Variants in FGF13 observed in about 807,000 individuals in gnomAD.
The protein encoded by FGF13 is fibroblast growth factor 13.
In FGF13, 2 loss-of-function variants were observed where a neutral mutation model predicts 19.5. That is an observed-to-expected ratio of 0.10 (90% confidence interval 0.04 to 0.32). The LOEUF (loss-of-function observed/expected upper bound fraction) is 0.32. Ranked by LOEUF, FGF13 falls within the 10% of genes least tolerant of loss-of-function variation. The pLI, the probability that FGF13 is intolerant of heterozygous loss-of-function variation, is 1.00. For missense variants in FGF13, 113 were observed against 192.7 expected (o/e 0.59, Z 2.45); for synonymous variants, 72 against 76.9 (o/e 0.94, Z 0.33).
intron 1 of FGF13, among the ~76,000 whole-genome samples, chrX:138,874,153 TAA>T (rs2091374482): frequency 2.1e-5 from 2 of 93,053 alleles, no homozygotes; most frequent in South Asian, 4.9e-4. Flanking sequence ...TAAAGTATAA[TAA>T]ATATATATAT....
At chrX:138,877,017 G>A (rs747434139) in intron 1 of FGF13, among the ~76,000 whole-genome samples, 2 of 111,839 alleles carry the variant, frequency 1.8e-5, no homozygotes, top group South Asian at 7.5e-4. Context: ...CCTTTTAACA[G>A]AAAACCAAGC....
intron 1 of FGF13, among the ~76,000 whole-genome samples, chrX:138,948,228 T>C (rs1271808549): frequency 9.0e-6 from 1 of 111,534 alleles, no homozygotes; most frequent in Non-Finnish European, 1.9e-5. Context: ...CCAGTATGCT[T>C]TGATAAAAAG....
chrX:139,007,947 T>G, intron 1 of FGF13, among the ~76,000 whole-genome samples: 1 of 112,908 alleles, frequency 8.9e-6, no homozygotes, highest in Non-Finnish European at 1.9e-5. Context: ...GACTCAGTGC[T>G]GTTGTGGGGG....
chrX:139,182,319 T>C (rs2084247120), intron 1 of FGF13, among the ~76,000 whole-genome samples: 1 of 112,101 alleles, frequency 8.9e-6, no homozygotes, highest in South Asian at 3.7e-4. Context: ...CTGGATTAAA[T>C]ATGAAACAGT....
intron 3 of FGF13, among the ~76,000 whole-genome samples, chrX:138,637,968 G>A (rs1196331705): frequency 9.0e-6 from 1 of 111,463 alleles, no homozygotes; most frequent in Admixed American, 9.5e-5. Context: ...CCACCATCCT[G>A]GCAGTTGCTC....
chrX:139,005,860 T>C (rs2092099138), intron 1 of FGF13, among the ~76,000 whole-genome samples: 1 of 107,418 alleles, frequency 9.3e-6, no homozygotes, highest in South Asian at 4.1e-4. Flanking sequence ...TGAAGACAGC[T>C]ATTTGAAAAT....
chrX:139,009,481 G>T (rs1023533083), intron 1 of FGF13, among the ~76,000 whole-genome samples: 1 of 111,816 alleles, frequency 8.9e-6, no homozygotes, highest in South Asian at 3.7e-4. Context: ...AGCTCAAAGG[G>T]ACTGGGGCCT....
chrX:138,991,707 AG>A (rs1168202970), intron 1 of FGF13, among the ~76,000 whole-genome samples: 1 of 112,210 alleles, frequency 8.9e-6, no homozygotes, highest in Non-Finnish European at 1.9e-5. Context: ...AATAAGGGAA[AG>A]TTTGGGAAAG....
chrX:139,016,540 G>A (rs1429499876), intron 1 of FGF13, among the ~76,000 whole-genome samples: 6 of 111,902 alleles, frequency 5.4e-5, no homozygotes, highest in Non-Finnish European at 7.5e-5. Context: ...CTCTCCTCTC[G>A]CCTTTTCCTT....
intron 1 of FGF13, among the ~76,000 whole-genome samples, chrX:139,010,365 G>T (rs6528587): frequency 9.1e-6 from 1 of 110,318 alleles, no homozygotes; most frequent in African/African-American, 3.3e-5. Context: ...CATTCATAAG[G>T]ACATGAAACG....
intron 3 of FGF13, among the ~76,000 whole-genome samples, chrX:138,811,484 T>C (rs2090924872): frequency 1.8e-5 from 2 of 110,516 alleles, no homozygotes; most frequent in Non-Finnish European, 3.8e-5. Context: ...TTAGGAGATA[T>C]ACCTAATGTA....
intron 1 of FGF13, among the ~76,000 whole-genome samples, chrX:139,100,652 A>G (rs919378055): frequency 2.7e-5 from 3 of 111,969 alleles, no homozygotes; most frequent in Non-Finnish European, 5.6e-5. Context: ...GGAAACCTGC[A>G]AATGATAGGA....
exon 1 of FGF13, chrX:138,739,300 A>G: frequency 8.4e-7 from 1 of 1,196,237 alleles, no homozygotes; most frequent in Non-Finnish European, 1.1e-6. Context: ...TACCCAGACA[A>G]TTGCTGTCTA....
intron 1 of FGF13, among the ~76,000 whole-genome samples, chrX:139,074,889 T>A (rs1192018751): frequency 1.8e-5 from 2 of 111,918 alleles, no homozygotes; most frequent in Non-Finnish European, 1.9e-5. Context: ...AATTTTCCCT[T>A]CACATACCCT....
chrX:138,904,801 T>C lies in FGF13; in HGVS notation c.-112-40151A>G, dbSNP rs751224931. 2.7e-5 allele frequency among the ~76,000 whole-genome samples: 3 copies of C among 111,288 alleles called. No individual in the cohort carries two copies. In the Admixed American group the frequency reaches 2.9e-4, roughly 11 times the overall value. On this transcript the variant is annotated intron_variant, in intron 1 of 2. Coordinates refer to the FGF13 transcript ENST00000421460. Reference sequence around the variant, plus strand: ...GACATGCGCGCTCCAAGAGAACAAATCACATGGGCCTTTTTTCTTCCTTGA... The same window carrying C: ...GACATGCGCGCTCCAAGAGAACAAACCACATGGGCCTTTTTTCTTCCTTGA...
At chrX:138,640,692 G>A (rs2089240814) in intron 3 of FGF13, among the ~76,000 whole-genome samples, 3 of 112,078 alleles carry the variant, frequency 2.7e-5, no homozygotes, top group Admixed American at 1.9e-4. Context: ...TGTTGTTTCA[G>A]CGTCTTAAAC....
At chrX:138,902,574 A>G (rs987758335) in intron 1 of FGF13, among the ~76,000 whole-genome samples, 2 of 111,859 alleles carry the variant, frequency 1.8e-5, no homozygotes, top group African/African-American at 6.5e-5. Flanking sequence ...CAAAATCTAA[A>G]TTGGAGTTTT....
intron 3 of FGF13, among the ~76,000 whole-genome samples, chrX:138,827,093 C>T (rs775125735): frequency 8.9e-6 from 1 of 112,177 alleles, no homozygotes; most frequent in Non-Finnish European, 1.9e-5. Context: ...CTGCCAGCTA[C>T]CAGAGCATGT....
At chrX:138,766,090 C>T (rs934822724) in intron 3 of FGF13, among the ~76,000 whole-genome samples, 7 of 111,934 alleles carry the variant, frequency 6.3e-5, no homozygotes, top group African/African-American at 1.6e-4. Flanking sequence ...TCTTTCTCAC[C>T]GATCCCCACT....
Sources: gnomAD v4.1 joint callset for allele counts (sites outside exome capture counted in the v4.1 genomes callset) on GRCh38, gnomAD v4.1.1 for gene constraint, MANE v1.5 for transcripts, NCBI Gene and HGNC (gene_info 2026-07-23, HGNC 2026-07-21) for gene names.